The following ADAM23 variants were observed in gnomAD, a reference collection of about 807,000 sequenced individuals.
The protein encoded by ADAM23 is ADAM metallopeptidase domain 23.
In ADAM23, 33 loss-of-function variants were observed where a neutral mutation model predicts 120.1. That is an observed-to-expected ratio of 0.27 (90% CI 0.21 to 0.37). The LOEUF is 0.37. Among genes scored for constraint, ADAM23 ranks in the 10% least tolerant of loss-of-function variants. The pLI is 1.00. For missense variants in ADAM23, 862 were observed against 1,058.2 expected (o/e 0.81, Z 2.57); for synonymous variants, 367 against 375.2 (o/e 0.98, Z 0.25).
intron 3 of ADAM23, among the ~76,000 whole-genome samples, chr2:206,520,274 G>A (rs569900107): frequency 6.6e-6 from 1 of 152,248 alleles, no homozygotes; most frequent in South Asian, 2.1e-4. Context: ...GGTGGTGCAG[G>A]AGAAATCAAG....
chr2:206,522,782 G>A (rs1285725251), intron 3 of ADAM23, among the ~76,000 whole-genome samples: 1 of 150,788 alleles, frequency 6.6e-6, no homozygotes, highest in African/African-American at 2.4e-5. Flanking sequence ...TTTTTATTTG[G>A]ATCCAGTTTT....
intron 3 of ADAM23, among the ~76,000 whole-genome samples, chr2:206,489,516 C>T (rs1031207162): frequency 9.9e-5 from 15 of 152,066 alleles, no homozygotes; most frequent in Admixed American, 2.6e-4. Context: ...GCTGCTAACT[C>T]GAAGGTTAAA....
intron 3 of ADAM23, among the ~76,000 whole-genome samples, chr2:206,494,894 A>T (rs1298831622): frequency 6.6e-6 from 1 of 152,230 alleles, no homozygotes; most frequent in Non-Finnish European, 1.5e-5. Context: ...AAGAAAGGGT[A>T]TCAGCGATGG....
intron 2 of ADAM23, among the ~76,000 whole-genome samples, chr2:206,477,088 C>T (rs1402263291): frequency 6.6e-6 from 1 of 152,080 alleles, no homozygotes; most frequent in East Asian, 1.9e-4. Context: ...ACAATAGTAT[C>T]TATTGAGCCT....
chr2:206,531,992 T>A (rs1037555051), intron 4 of ADAM23, among the ~76,000 whole-genome samples: 1 of 152,190 alleles, frequency 6.6e-6, no homozygotes, highest in Non-Finnish European at 1.5e-5. Flanking sequence ...TTTCCAGCCT[T>A]TGAGTTTTGT....
intron 3 of ADAM23, among the ~76,000 whole-genome samples, chr2:206,526,838 A>G (rs898353615): frequency 1.3e-5 from 2 of 152,256 alleles, no homozygotes; most frequent in Admixed American, 1.3e-4. Flanking sequence ...CTGCTCTTAC[A>G]TGTTCTTCAT....
intron 2 of ADAM23, among the ~76,000 whole-genome samples, chr2:206,464,003 T>C (rs1695486835): frequency 6.6e-6 from 1 of 152,248 alleles, no homozygotes; most frequent in Non-Finnish European, 1.5e-5. Context: ...AGCAGCTTTT[T>C]CGAAGATCAA....
At position 206,573,920 on chromosome 2, in the gene ADAM23, C is replaced by T. The variant is rs565941355; in HGVS notation, c.1737+725C>T. On this transcript the variant is annotated intron_variant, in intron 18 of 25. Transcript: ENST00000264377. ...GGATGGCTTTTTAAAATGTTTCCTC[C>T]AGAGTCATCTGCCTCATTAACAGAG... 1.3e-4 allele frequency among the ~76,000 whole-genome samples: 20 copies of T among 152,118 alleles called. No homozygotes were observed. The South Asian group carries it at 4.2e-3, about 32-fold the overall frequency.
chr2:206,568,139 T>G (rs2105828319), intron 15 of ADAM23, among the ~76,000 whole-genome samples: 1 of 152,146 alleles, frequency 6.6e-6, no homozygotes. Context: ...TTTTGAGTGG[T>G]TTGTCCTCTT....
chr2:206,514,987 T>C (rs1231650556), intron 3 of ADAM23, among the ~76,000 whole-genome samples: 2 of 152,210 alleles, frequency 1.3e-5, no homozygotes, highest in Non-Finnish European at 2.9e-5. Flanking sequence ...AACCAAAAAA[T>C]TGTGTAACTT....
At chr2:206,478,507 TATGATGATGATG>T (rs58463126) in intron 2 of ADAM23, among the ~76,000 whole-genome samples, 4 of 150,416 alleles carry the variant, frequency 2.7e-5, no homozygotes, top group Non-Finnish European at 4.4e-5. Context: ...ATCATAATGA[TATGATGATGATG>T]ATGATGATGA....
At chr2:206,561,614 A>G (rs1325749956) in intron 12 of ADAM23, among the ~76,000 whole-genome samples, 4 of 152,038 alleles carry the variant, frequency 2.6e-5, no homozygotes, top group African/African-American at 9.7e-5. Context: ...CCCTATGTAT[A>G]TATTTTCATT....
intron 3 of ADAM23, among the ~76,000 whole-genome samples, chr2:206,507,957 C>T (rs1696529136): frequency 6.6e-6 from 1 of 152,106 alleles, no homozygotes; most frequent in Non-Finnish European, 1.5e-5. Context: ...CTAGGTCTGT[C>T]TCTCAGTGGA....
chr2:206,527,336 C>T (rs1696964476), intron 3 of ADAM23, among the ~76,000 whole-genome samples: 1 of 152,172 alleles, frequency 6.6e-6, no homozygotes, highest in African/African-American at 2.4e-5. Flanking sequence ...AAGGACAACT[C>T]ATCTTCAGGC....
At chr2:206,479,554 T>C (rs537429008) in intron 2 of ADAM23, among the ~76,000 whole-genome samples, 2 of 152,334 alleles carry the variant, frequency 1.3e-5, no homozygotes, top group East Asian at 3.9e-4. Context: ...TTCATCAATA[T>C]AAATATCTTT....
intron 3 of ADAM23, among the ~76,000 whole-genome samples, chr2:206,515,843 T>C (rs902352568): frequency 4.6e-5 from 7 of 152,086 alleles, no homozygotes; most frequent in African/African-American, 1.7e-4. Context: ...TTTTTCCTGT[T>C]CTGGTCTTAG....
At chr2:206,500,072 G>A (rs1015030025) in intron 3 of ADAM23, among the ~76,000 whole-genome samples, 3 of 152,078 alleles carry the variant, frequency 2.0e-5, no homozygotes, top group African/African-American at 4.8e-5. Flanking sequence ...CGACTTGTTT[G>A]AAAATTTATT....
At chr2:206,542,030 A>G (rs1174840841) in intron 4 of ADAM23, 22 bp from the exon 5 acceptor site, 2 of 1,613,004 alleles carry the variant, frequency 1.2e-6, no homozygotes, top group Middle Eastern at 1.6e-4. Flanking sequence ...AATACAACCA[A>G]TCAATGAAAC....
rs71034457 is a variant in ADAM23 at position 206,477,897 on chromosome 2, AAT to A, written c.433-3311_433-3310del. On this transcript the variant is annotated intron_variant, in intron 2 of 25. Transcript: ENST00000264377. ...TATTCTGTTAAAAAAAAAAAAAAAAAATATATATATATATATATATATATAAA... is the reference window on the plus strand; with the variant it reads ...TATTCTGTTAAAAAAAAAAAAAAAAAATATATATATATATATATATATAAA... Among the ~76,000 whole-genome samples the A allele has an allele frequency of 4.1e-3, 382 of 93,562 alleles. 9 individuals are homozygous for A. The highest frequency in any genetic ancestry group is 0.018 in the Middle Eastern group (3 of 168). 61.4% of individuals were successfully genotyped at this position (93,562 alleles called of 152,430 possible). A position where few individuals can be genotyped will look rare whatever the true frequency, so the allele number is the denominator to read the frequency against.
Sources: allele counts gnomAD v4.1 joint callset (sites outside exome capture counted in the v4.1 genomes callset), GRCh38; gene constraint gnomAD v4.1.1; transcripts MANE v1.5; gene names NCBI Gene and HGNC (gene_info 2026-07-23, HGNC 2026-07-21).